The following HMGB1 variants were observed in gnomAD, a reference collection of about 807,000 sequenced individuals.
HMGB1 encodes the protein high mobility group protein B1.
For missense variants in HMGB1, 79 were observed against 253.5 expected (o/e 0.31, Z 4.67); for synonymous variants, 81 against 84.0 (o/e 0.96, Z 0.19).
intron 1 of HMGB1, among the ~76,000 whole-genome samples, chr13:30,537,652 C>CATATATATATATATAT (rs58424009): frequency 1.5e-4 from 10 of 68,018 alleles, no homozygotes; most frequent in South Asian, 9.1e-4. Flanking sequence ...CATTCTTGTT[C>CATATATATATATATAT]ATATATATAT....
At position 30,463,630 on chromosome 13, in the gene HMGB1, T is replaced by G. The variant is rs924330475; in HGVS notation, c.51A>C (p.Ala17=). 17 of 1,594,918 alleles carry G rather than the reference T, an allele frequency of 1.1e-5. No individual in the cohort carries two copies. The highest frequency in any genetic ancestry group is 1.5e-5 in the Non-Finnish European group (17 of 1,170,058). ...KKPRGKMSSY[A]FFVQTCREEH... The stretch of plus-strand genomic sequence containing the variant: ...CCTCCCGACAAGTTTGCACAAAAAA[T>G]GCATATGATGACATTTTGCCTCTCG... The change falls in exon 2 of 5, where the codon GCA becomes GCC. Residue 17 remains alanine, a synonymous_variant. Transcript: ENST00000341423.
intron 1 of HMGB1, among the ~76,000 whole-genome samples, chr13:30,479,250 C>T (rs537602186): frequency 1.3e-3 from 193 of 152,270 alleles, no homozygotes; most frequent in South Asian, 0.011. Context: ...TTCTCTTCTG[C>T]TCTCTTTAAG....
At chr13:30,569,706 T>C (rs1045584892) in intron 1 of HMGB1, among the ~76,000 whole-genome samples, 1 of 152,202 alleles carries the variant, frequency 6.6e-6, no homozygotes, top group Admixed American at 6.5e-5. Context: ...ACTTCTTTCC[T>C]ATATCACCTT....
At chr13:30,561,367 T>C (rs972154494) in intron 1 of HMGB1, among the ~76,000 whole-genome samples, 3 of 152,072 alleles carry the variant, frequency 2.0e-5, no homozygotes, top group Non-Finnish European at 4.4e-5. Flanking sequence ...ATAGGAGAAG[T>C]TCCCCAGGAA....
intron 1 of HMGB1, among the ~76,000 whole-genome samples, chr13:30,530,526 G>C (rs922617472): frequency 7.2e-5 from 11 of 152,160 alleles, no homozygotes; most frequent in Admixed American, 6.5e-4. Flanking sequence ...TTCCCCTGTA[G>C]GAATTTATCT....
At chr13:30,485,526 T>C (rs932236798) in intron 1 of HMGB1, among the ~76,000 whole-genome samples, 11 of 111,424 alleles carry the variant, frequency 9.9e-5, no homozygotes, top group Admixed American at 2.6e-4. Flanking sequence ...TGAGTACCTA[T>C]GACTTTTTTT....
chr13:30,462,492 C>T (rs200788197), intron 4 of HMGB1, 46 bp downstream of exon 4: 7 of 1,438,364 alleles, frequency 4.9e-6, no homozygotes, highest in Non-Finnish European at 5.9e-6. Context: ...AATCATACAT[C>T]TGGCGTACTT....
intron 1 of HMGB1, among the ~76,000 whole-genome samples, chr13:30,578,600 G>A (rs946712289): frequency 1.3e-5 from 2 of 151,796 alleles, no homozygotes; most frequent in South Asian, 2.1e-4. Flanking sequence ...TTAAACAGCC[G>A]ACAGAATGGT....
intron 1 of HMGB1, among the ~76,000 whole-genome samples, chr13:30,574,967 C>T (rs978152552): frequency 2.0e-5 from 3 of 152,048 alleles, no homozygotes; most frequent in Non-Finnish European, 4.4e-5. Context: ...TTAATGGCCT[C>T]GTACTAAAGA....
chr13:30,584,986 A>G (rs1416004363), intron 1 of HMGB1, among the ~76,000 whole-genome samples: 2 of 152,110 alleles, frequency 1.3e-5, no homozygotes, highest in Non-Finnish European at 2.9e-5. Context: ...CATCTCTATA[A>G]AAAACACAAA....
chr13:30,495,635 C>T (rs971671442), intron 1 of HMGB1, among the ~76,000 whole-genome samples: 17 of 152,100 alleles, frequency 1.1e-4, no homozygotes, highest in African/African-American at 3.6e-4. Context: ...CGTGCCGCCA[C>T]GCCTGGCTAA....
Position 30,528,581 on chromosome 13 carries a change from A to G in HMGB1, c.-14-64887T>C, listed in dbSNP as rs979521545. ...TGCTTAATTTTCTAAAAAGAGAAAC[A>G]ATGAGTTAGTTGTGTATGCTGTGTG... On this transcript the variant is annotated intron_variant, in intron 1 of 4. Coordinates refer to the HMGB1 transcript ENST00000405805. 2.0e-5 allele frequency among the ~76,000 whole-genome samples: 3 copies of G among 152,180 alleles called. No homozygotes were observed. In the East Asian group the frequency reaches 5.8e-4, roughly 29 times the overall value.
At chr13:30,603,534 G>T (rs1328706358) in intron 1 of HMGB1, among the ~76,000 whole-genome samples, 3 of 152,208 alleles carry the variant, frequency 2.0e-5, no homozygotes, top group East Asian at 3.9e-4. Flanking sequence ...TCTCAGATTG[G>T]GTTAGGTGAA....
intron 1 of HMGB1, among the ~76,000 whole-genome samples, chr13:30,590,516 A>G (rs574540933): frequency 6.6e-6 from 1 of 152,272 alleles, no homozygotes; most frequent in Admixed American, 6.5e-5. Context: ...ACTTAAATTT[A>G]AATAGCCACG....
chr13:30,607,826 T>C (rs1321672448), intron 1 of HMGB1, among the ~76,000 whole-genome samples: 1 of 152,188 alleles, frequency 6.6e-6, no homozygotes, highest in Non-Finnish European at 1.5e-5. Context: ...TATATAAAAA[T>C]ACAATTATTT....
chr13:30,471,960 G>T (rs941865756), intron 1 of HMGB1, among the ~76,000 whole-genome samples: 2 of 151,414 alleles, frequency 1.3e-5, no homozygotes, highest in Non-Finnish European at 2.9e-5. Flanking sequence ...GAGCCACCGC[G>T]GCTGGCCACC....
intron 1 of HMGB1, among the ~76,000 whole-genome samples, chr13:30,477,166 G>A (rs960547179): frequency 6.6e-6 from 1 of 152,146 alleles, no homozygotes; most frequent in Non-Finnish European, 1.5e-5. Flanking sequence ...CGTTTGAAAT[G>A]CACAGTTCAC....
rs960097777 is a variant in HMGB1 at position 30,464,115 on chromosome 13, C to T, written c.-14-421G>A. ...GATAGGGAATAAACAAGGGCCTAAGCGAGTCGACTCTTCCTAATTATGGGA... is the reference window on the plus strand; with the variant it reads ...GATAGGGAATAAACAAGGGCCTAAGTGAGTCGACTCTTCCTAATTATGGGA... On this transcript the variant is annotated intron_variant, in intron 1 of 4. Coordinates refer to ENST00000341423, the MANE Select transcript of HMGB1 (RefSeq NM_002128.7). 22 of 983,150 alleles carry T rather than the reference C, an allele frequency of 2.2e-5. No individual in the cohort carries two copies. In the African/African-American group the frequency reaches 2.8e-4, roughly 13 times the overall value. 60.9% of individuals were successfully genotyped at this position (983,150 alleles called of 1,614,324 possible).
rs779907862 is a variant in HMGB1 at position 30,553,499 on chromosome 13, A to ATG, written c.-15+63170_-15+63171dup. ...GATAATACTTTATAGGAGTATGGTA[A>ATG]TGACTTCATAGGGGTATGGTAATTA... On this transcript the variant is annotated intron_variant, in intron 1 of 4. Transcript: ENST00000405805. Among the ~76,000 whole-genome samples, 9 of 152,240 alleles carry ATG rather than the reference A, an allele frequency of 5.9e-5. 1 individual carries two copies. Among genetic ancestry groups the ATG allele is most frequent in the Admixed American group, 3.9e-4 (6 of 15,288 alleles).
Sources: gnomAD v4.1 joint callset for allele counts (sites outside exome capture counted in the v4.1 genomes callset) on GRCh38, gnomAD v4.1.1 for gene constraint, MANE v1.5 for transcripts, NCBI Gene and HGNC (gene_info 2026-07-23, HGNC 2026-07-21) for gene names.